Variants in KIAA1217 observed in about 807,000 individuals in gnomAD.
The protein encoded by KIAA1217 is sickle tail protein homolog.
In KIAA1217, 88 loss-of-function variants were observed where a neutral mutation model predicts 163.9. That is an observed-to-expected ratio of 0.54 (90% CI 0.45 to 0.64). The LOEUF (loss-of-function observed/expected upper bound fraction) is 0.64, where lower values mean the gene tolerates loss of function less well. Ranked by LOEUF, KIAA1217 falls within the 30% of genes least tolerant of loss-of-function variation. KIAA1217 has a pLI of 0.00. For missense variants in KIAA1217, 2,372 were observed against 2,475.0 expected (o/e 0.96, Z 0.88); for synonymous variants, 903 against 923.1 (o/e 0.98, Z 0.39).
chr10:24,386,276 T>G (rs2053993712), intron 3 of KIAA1217, among the ~76,000 whole-genome samples: 1 of 152,198 alleles, frequency 6.6e-6, no homozygotes, highest in South Asian at 2.1e-4. Context: ...AGGGAGAAGT[T>G]CCTCAGGGGG....
intron 3 of KIAA1217, among the ~76,000 whole-genome samples, chr10:24,401,999 G>GTA (rs2056578023): frequency 6.6e-6 from 1 of 152,148 alleles, no homozygotes; most frequent in Non-Finnish European, 1.5e-5. Context: ...AACAAAACAT[G>GTA]TATATGATCT....
intron 2 of KIAA1217, among the ~76,000 whole-genome samples, chr10:24,091,446 C>T (rs2061935575): frequency 6.6e-6 from 1 of 151,818 alleles, no homozygotes; most frequent in Admixed American, 6.6e-5. Context: ...GGAAAAGTCC[C>T]CACTGCTTCT....
At chr10:24,373,798 G>T (rs1008773689) in intron 2 of KIAA1217, among the ~76,000 whole-genome samples, 2 of 152,170 alleles carry the variant, frequency 1.3e-5, no homozygotes, top group African/African-American at 4.8e-5. Context: ...GGCTCACTTC[G>T]CTCCACACAG....
chr10:24,492,969 C>A (rs1016781969), intron 6 of KIAA1217, among the ~76,000 whole-genome samples: 1 of 152,036 alleles, frequency 6.6e-6, no homozygotes, highest in African/African-American at 2.4e-5. Context: ...CCTCAGCCTC[C>A]CGAGTAGCTG....
chr10:24,473,191 T>C, intron 5 of KIAA1217, 37 bp from the exon 6 acceptor site: 1 of 1,428,682 alleles, frequency 7.0e-7, no homozygotes, highest in East Asian at 2.3e-5. Context: ...AACACGAATA[T>C]CAAAGTCAAC....
intron 2 of KIAA1217, among the ~76,000 whole-genome samples, chr10:24,072,036 T>C (rs1367699429): frequency 6.6e-6 from 1 of 152,126 alleles, no homozygotes; most frequent in Non-Finnish European, 1.5e-5. Context: ...ATTTCACTTA[T>C]TTTTTTAGAG....
intron 3 of KIAA1217, among the ~76,000 whole-genome samples, chr10:24,391,333 C>CTTTTTTTT (rs768727392): frequency 0.02 from 584 of 29,730 alleles, 3 homozygotes; most frequent in Non-Finnish European, 0.025. Flanking sequence ...TTCTTTCTTT[C>CTTTTTTTT]TTTTTTTTTT....
rs561882937 is a variant in KIAA1217 at position 24,200,278 on chromosome 10, A to C, written c.-170-19348A>C. Among the ~76,000 whole-genome samples, 7 of 150,444 alleles carry C rather than the reference A, an allele frequency of 4.7e-5. No individual in the cohort carries two copies. In the South Asian group the frequency reaches 1.3e-3, roughly 27 times the overall value. On this transcript the variant is annotated intron_variant, in intron 2 of 18. Transcript: ENST00000376462. ...TAGGCTAGAGTGCAGTGGAGCTATC[A>C]GCTCACTGCACTCTCAAACTCCCGG...
At chr10:23,737,253 A>G (rs1197241118) in intron 1 of KIAA1217, among the ~76,000 whole-genome samples, 1 of 152,176 alleles carries the variant, frequency 6.6e-6, no homozygotes, top group Non-Finnish European at 1.5e-5. Context: ...AGGCTGGAGC[A>G]CAGTGCATGA....
intron 2 of KIAA1217, among the ~76,000 whole-genome samples, chr10:24,234,391 C>T (rs1339678953): frequency 2.6e-5 from 4 of 151,962 alleles, no homozygotes; most frequent in African/African-American, 4.8e-5. Flanking sequence ...CGGCCGGGTG[C>T]GGTGGCTCAT....
chr10:23,830,842 A>ACACG (rs1325648286), intron 1 of KIAA1217, among the ~76,000 whole-genome samples: 1 of 151,998 alleles, frequency 6.6e-6, no homozygotes, highest in African/African-American at 2.4e-5. Flanking sequence ...ACACACACAC[A>ACACG]CACACACTCA....
At chr10:24,515,992 GC>G (rs1378788363) in intron 10 of KIAA1217, among the ~76,000 whole-genome samples, 1 of 152,206 alleles carries the variant, frequency 6.6e-6, no homozygotes, top group African/African-American at 2.4e-5. Flanking sequence ...GATCGTTTGA[GC>G]CCAGGAGTTC....
intron 1 of KIAA1217, among the ~76,000 whole-genome samples, chr10:23,716,755 G>T (rs1326357144): frequency 6.6e-6 from 1 of 152,070 alleles, no homozygotes; most frequent in Non-Finnish European, 1.5e-5. Context: ...TTATATGCAT[G>T]TAACAACAAA....
chr10:24,085,051 C>T (rs1214264218), intron 2 of KIAA1217, among the ~76,000 whole-genome samples: 1 of 151,598 alleles, frequency 6.6e-6, no homozygotes, highest in Admixed American at 6.6e-5. Flanking sequence ...GTAGCTGGGA[C>T]TACAGGCGCC....
chr10:24,025,850 A>T (rs1169482722), intron 2 of KIAA1217, among the ~76,000 whole-genome samples: 5 of 151,772 alleles, frequency 3.3e-5, no homozygotes, highest in Non-Finnish European at 7.4e-5. Context: ...TTATATATTT[A>T]CCTCATCTTC....
chr10:23,959,004 G>A (rs1345496662), intron 1 of KIAA1217, among the ~76,000 whole-genome samples: 1 of 149,904 alleles, frequency 6.7e-6, no homozygotes, highest in South Asian at 2.2e-4. Context: ...CTCTGTGCCA[G>A]CCACGCTCTC....
At chr10:24,255,752 A>G (rs965569554) in intron 2 of KIAA1217, among the ~76,000 whole-genome samples, 3 of 152,128 alleles carry the variant, frequency 2.0e-5, no homozygotes, top group Non-Finnish European at 4.4e-5. Flanking sequence ...CCGGGGGCCA[A>G]TCTGGTTTCT....
intron 1 of KIAA1217, among the ~76,000 whole-genome samples, chr10:23,963,630 C>A (rs866782251): frequency 6.6e-6 from 1 of 152,084 alleles, no homozygotes; most frequent in Non-Finnish European, 1.5e-5. Context: ...AGTATATACC[C>A]AGTAATGGGA....
At chr10:23,729,904 GA>G (rs112269024) in intron 1 of KIAA1217, among the ~76,000 whole-genome samples, 21,969 of 139,088 alleles carry the variant, frequency 0.16, 2,210 homozygotes, top group African/African-American at 0.3. Context: ...TATTTTCTAT[GA>G]AATTTTTTTT....
Sources: allele counts gnomAD v4.1 joint callset (sites outside exome capture counted in the v4.1 genomes callset), GRCh38; gene constraint gnomAD v4.1.1; transcripts MANE v1.5; gene names NCBI Gene and HGNC (gene_info 2026-07-23, HGNC 2026-07-21).